The following CNTNAP2 variants were observed in gnomAD, a reference collection of about 807,000 sequenced individuals.
The protein encoded by CNTNAP2 is contactin-associated protein-like 2.
In CNTNAP2, 98 loss-of-function variants were observed where a neutral mutation model predicts 155.2. The ratio of observed to expected loss-of-function variants is 0.63; its 90% CI spans 0.54 to 0.75. The LOEUF is 0.75. CNTNAP2 is among the 30% of genes least tolerant of loss of function. The probability of loss-of-function intolerance (pLI) is 0.00; values close to 1 mark genes in which losing one functional copy is unlikely to be tolerated. For synonymous variants in CNTNAP2, 651 were observed against 631.2 expected (o/e 1.03, Z -0.47); for missense variants, 1,727 against 1,688.1 (o/e 1.02, Z -0.40).
rs567059614 is a variant in CNTNAP2, at chr7:146,994,922, T to A, written c.403-48985T>A. 2.0e-5 allele frequency among the ~76,000 whole-genome samples: 3 copies of A among 152,230 alleles called. No individual in the cohort carries two copies. In the South Asian group the frequency reaches 6.2e-4, roughly 32 times the overall value. On this transcript the variant is annotated intron_variant, in intron 3 of 23. Coordinates refer to ENST00000361727, the MANE Select transcript of CNTNAP2 (RefSeq NM_014141.6). ...TGATTATTATCTATGGTTGCCATAC[T>A]ATACAATAGATCTCTCCTCCTATTT...
At chr7:147,523,706 G>A (rs1436069449) in intron 11 of CNTNAP2, among the ~76,000 whole-genome samples, 1 of 152,126 alleles carries the variant, frequency 6.6e-6, no homozygotes, top group Non-Finnish European at 1.5e-5. Context: ...CTGTCTCCTT[G>A]CGTGTCTCCC....
chr7:148,000,521 TGATAGA>T (rs1275607743), intron 15 of CNTNAP2, among the ~76,000 whole-genome samples: 2 of 152,126 alleles, frequency 1.3e-5, no homozygotes, highest in Non-Finnish European at 2.9e-5. Flanking sequence ...GTGAAAACCA[TGATAGA>T]GATTCAGTAA....
At chr7:147,977,026 A>G (rs1311956584) in intron 14 of CNTNAP2, among the ~76,000 whole-genome samples, 1 of 152,124 alleles carries the variant, frequency 6.6e-6, no homozygotes, top group Non-Finnish European at 1.5e-5. Flanking sequence ...GAAAAAGAGG[A>G]CAAAAGGCCA....
chr7:147,821,768 C>A (rs777861238), intron 13 of CNTNAP2, among the ~76,000 whole-genome samples: 1 of 151,970 alleles, frequency 6.6e-6, no homozygotes, highest in African/African-American at 2.4e-5. Flanking sequence ...AATAAAATTG[C>A]GGCGACAGGT....
intron 1 of CNTNAP2, among the ~76,000 whole-genome samples, chr7:146,744,410 A>G (rs1801775661): frequency 6.6e-6 from 1 of 152,100 alleles, no homozygotes; most frequent in African/African-American, 2.4e-5. Context: ...TTATTCTGTG[A>G]TTATTTAAAA....
At chr7:147,235,116 T>C (rs1803769067) in intron 8 of CNTNAP2, among the ~76,000 whole-genome samples, 1 of 152,096 alleles carries the variant, frequency 6.6e-6, no homozygotes. Context: ...AAGGCCTGAT[T>C]AGAACAAAAA....
chr7:148,275,446 G>A (rs1308595374), intron 21 of CNTNAP2, among the ~76,000 whole-genome samples: 3 of 152,176 alleles, frequency 2.0e-5, no homozygotes, highest in South Asian at 2.1e-4. Flanking sequence ...CCATAAGGGC[G>A]GGGGAGGTCA....
In CNTNAP2 at chr7:148,135,022, T is replaced by G. The variant is rs73744753; in HGVS notation, c.2555-12469T>G. On this transcript the variant is annotated intron_variant, in intron 16 of 23. Coordinates refer to ENST00000361727, the MANE Select transcript of CNTNAP2 (RefSeq NM_014141.6). The stretch of plus-strand genomic sequence containing the variant: ...ATTTTAAGAACACATTTTCATGTCA[T>G]TTTTCTTAAGACTCCATAACAATAT... Among the ~76,000 whole-genome samples, 1,437 of 152,298 alleles carry G rather than the reference T, an allele frequency of 9.4e-3. 26 individuals are homozygous for G. Among genetic ancestry groups the G allele is most frequent in the African/African-American group, 0.032 (1,323 of 41,564 alleles).
At chr7:147,091,872 C>CTGGGATTA (rs2129273367) in intron 4 of CNTNAP2, among the ~76,000 whole-genome samples, 1 of 152,268 alleles carries the variant, frequency 6.6e-6, no homozygotes. Context: ...TCCCAAAGTG[C>CTGGGATTA]TGGGATTACA....
chr7:146,908,964 A>C (rs1483529294), intron 3 of CNTNAP2, among the ~76,000 whole-genome samples: 1 of 149,076 alleles, frequency 6.7e-6, no homozygotes, highest in Non-Finnish European at 1.5e-5. Flanking sequence ...AAAATGATAA[A>C]GGGGATATCA....
chr7:146,247,832 G>C (rs552907295), intron 1 of CNTNAP2, among the ~76,000 whole-genome samples: 1 of 152,134 alleles, frequency 6.6e-6, no homozygotes, highest in Non-Finnish European at 1.5e-5. Context: ...GAGGGTGGAT[G>C]GTTGCCCATA....
At chr7:148,388,479 A>AT (rs2116671307) in intron 22 of CNTNAP2, among the ~76,000 whole-genome samples, 1 of 152,080 alleles carries the variant, frequency 6.6e-6, no homozygotes, top group African/African-American at 2.4e-5. Context: ...TGAACTCATC[A>AT]TTTTTTATGG....
chr7:147,526,656 CAG>C (rs1339538817), intron 11 of CNTNAP2, among the ~76,000 whole-genome samples: 1 of 152,126 alleles, frequency 6.6e-6, no homozygotes, highest in Non-Finnish European at 1.5e-5. Context: ...TATAGGTCAA[CAG>C]ATTCTAAAAT....
intron 11 of CNTNAP2, among the ~76,000 whole-genome samples, chr7:147,519,067 G>A (rs1200135081): frequency 6.6e-6 from 1 of 151,548 alleles, no homozygotes; most frequent in Non-Finnish European, 1.5e-5. Context: ...GTTTCCTAGG[G>A]CTGCTCTAAC....
rs201007462 is a variant in CNTNAP2 at position 148,319,239 on chromosome 7, AT to A, written c.3475+52116del. Reference sequence around the variant, plus strand: ...TGTAATTAAGTACTTTTCCCTTTATATTTCATGAAGACTCTTGTATATTTTA... The same window carrying A: ...TGTAATTAAGTACTTTTCCCTTTATATTCATGAAGACTCTTGTATATTTTA... On this transcript the variant is annotated intron_variant, in intron 21 of 23. Transcript: ENST00000361727. 3.0e-3 allele frequency among the ~76,000 whole-genome samples: 450 copies of A among 152,258 alleles called. 4 individuals carry two copies. The highest frequency in any genetic ancestry group is 0.01 in the African/African-American group (420 of 41,538).
At chr7:147,290,683 CAAAAA>C (rs71182191) in intron 8 of CNTNAP2, among the ~76,000 whole-genome samples, 3 of 73,296 alleles carry the variant, frequency 4.1e-5, no homozygotes. Flanking sequence ...ACTCCATCTC[CAAAAA>C]AAAAAAAAAA....
intron 1 of CNTNAP2, among the ~76,000 whole-genome samples, chr7:146,417,581 T>G (rs1795955791): frequency 6.6e-6 from 1 of 152,108 alleles, no homozygotes; most frequent in South Asian, 2.1e-4. Context: ...CTTCTTCTTT[T>G]TTTGTGGCTA....
At chr7:146,306,224 AT>A (rs1488624586) in intron 1 of CNTNAP2, among the ~76,000 whole-genome samples, 1 of 152,126 alleles carries the variant, frequency 6.6e-6, no homozygotes, top group Non-Finnish European at 1.5e-5. Flanking sequence ...GAATAGACCA[AT>A]AACAGGTTCT....
chr7:148,268,161 A>G (rs1004938757), intron 21 of CNTNAP2, among the ~76,000 whole-genome samples: 3 of 152,232 alleles, frequency 2.0e-5, no homozygotes, highest in African/African-American at 2.4e-5. Context: ...TGTGAAGCCA[A>G]TGAATTTTGT....
Sources: allele counts gnomAD v4.1 joint callset (sites outside exome capture counted in the v4.1 genomes callset), GRCh38; gene constraint gnomAD v4.1.1; transcripts MANE v1.5; gene names NCBI Gene and HGNC (gene_info 2026-07-23, HGNC 2026-07-21).